Variants in THSD7A observed in about 807,000 individuals in gnomAD.
The protein encoded by THSD7A is thrombospondin type 1 domain containing 7A.
A neutral mutation model predicts 231.3 loss-of-function variants in THSD7A; 96 were observed. The ratio of observed to expected loss-of-function variants is 0.41; its 90% CI spans 0.35 to 0.49. The LOEUF is 0.49. Among genes scored for constraint, THSD7A ranks in the 20% least tolerant of loss-of-function variants. THSD7A has a pLI of 0.05. For missense variants in THSD7A, 2,290 were observed against 2,070.2 expected, an observed-to-expected ratio of 1.11 and a Z score of -2.06; for synonymous variants, 940 against 743.3, an observed-to-expected ratio of 1.26 and a Z score of -4.30.
intron 6 of THSD7A, among the ~76,000 whole-genome samples, chr7:11,487,525 C>T (rs1217126633): frequency 6.6e-6 from 1 of 151,986 alleles, no homozygotes; most frequent in Non-Finnish European, 1.5e-5. Flanking sequence ...GCAAAATATA[C>T]ACATATTTGT....
chr7:11,649,462 A>G (rs753460091), intron 1 of THSD7A, among the ~76,000 whole-genome samples: 17 of 152,072 alleles, frequency 1.1e-4, no homozygotes, highest in Admixed American at 4.6e-4. Context: ...TAACTGATAC[A>G]GATTATGGTG....
At chr7:11,459,671 T>C (rs939231049) in intron 11 of THSD7A, among the ~76,000 whole-genome samples, 1 of 88,818 alleles carries the variant, frequency 1.1e-5, no homozygotes, top group Non-Finnish European at 2.0e-5. Context: ...GGGGATTTTT[T>C]TTTTTTTTTT....
At chr7:11,641,947 C>G (rs1782098092) in intron 1 of THSD7A, among the ~76,000 whole-genome samples, 1 of 151,886 alleles carries the variant, frequency 6.6e-6, no homozygotes, top group Non-Finnish European at 1.5e-5. Flanking sequence ...GCAGTCTTGA[C>G]ACAAGTACAC....
intron 1 of THSD7A, among the ~76,000 whole-genome samples, chr7:11,754,085 A>C (rs1002420894): frequency 1.3e-5 from 2 of 152,026 alleles, no homozygotes; most frequent in African/African-American, 2.4e-5. Flanking sequence ...TATAAGGAAA[A>C]AAGCATTCAA....
chr7:11,505,790 C>A (rs57906196), intron 6 of THSD7A, among the ~76,000 whole-genome samples: 65 of 152,228 alleles, frequency 4.3e-4, no homozygotes, highest in African/African-American at 1.5e-3. Context: ...TGCCAAACGA[C>A]TGCCATCTGT....
chr7:11,639,820 C>G (rs556846610), intron 1 of THSD7A, among the ~76,000 whole-genome samples: 1 of 152,192 alleles, frequency 6.6e-6, no homozygotes, highest in African/African-American at 2.4e-5. Context: ...CTGAAAATAA[C>G]TTTTTTTCCC....
chr7:11,435,611 C>T (rs1475685626), intron 13 of THSD7A, among the ~76,000 whole-genome samples: 1 of 152,026 alleles, frequency 6.6e-6, no homozygotes, highest in Non-Finnish European at 1.5e-5. Context: ...GAGAAAGATG[C>T]CTCCTGCCTC....
Position 11,583,502 on chromosome 7 carries a change from C to T in THSD7A, c.1453+6958G>A, listed in dbSNP as rs149598616. On this transcript the variant is annotated intron_variant, in intron 4 of 27. Transcript: ENST00000423059. Reference sequence around the variant, plus strand: ...TGTTGCACAGTCTGGTCTCGAACTCCCAGACTCAAGTTATCCACCCGCCTC... The same window carrying T: ...TGTTGCACAGTCTGGTCTCGAACTCTCAGACTCAAGTTATCCACCCGCCTC... Among the ~76,000 whole-genome samples, 238 of 152,114 alleles carry T rather than the reference C, an allele frequency of 1.6e-3. No individual in the cohort carries two copies. The Middle Eastern group carries it at 0.017, about 11-fold the overall frequency.
chr7:11,636,466 C>A lies in THSD7A; in HGVS notation c.686G>T (p.Gly229Val). Residue 229 changes from glycine to valine, a missense_variant, in exon 2 of 28, where the codon GGC (glycine) becomes GTC (valine). Physicochemically the swap from Gly to Val is moderately radical, Grantham distance 109 (BLOSUM62 -3). Transcript: ENST00000423059. This position sits in a 1 kb window ranked among gnomAD's most constrained non-coding sequence, Gnocchi z 10.0. Reference sequence around the variant, plus strand: ...CTCCGTCAGGTTTGGACAGCCAGAGCCTCCGAACTGCGGGGGCGCCACCAC... The same window carrying A: ...CTCCGTCAGGTTTGGACAGCCAGAGACTCCGAACTGCGGGGGCGCCACCAC... ...RHVVAPPQFGGSGCPNLTEFQ... is the reference protein window; with the variant it reads ...RHVVAPPQFGVSGCPNLTEFQ... The A allele has an allele frequency of 6.2e-7, 1 of 1,613,668 alleles. No individual in the cohort carries two copies. The highest frequency in any genetic ancestry group is 1.1e-5 in the South Asian group (1 of 91,078).
intron 1 of THSD7A, among the ~76,000 whole-genome samples, chr7:11,703,919 A>G (rs1258900589): frequency 6.6e-6 from 1 of 151,204 alleles, no homozygotes; most frequent in Non-Finnish European, 1.5e-5. Context: ...AGAATTTCTC[A>G]CACTGAAACT....
chr7:11,605,446 C>T (rs77887976), intron 2 of THSD7A, among the ~76,000 whole-genome samples: 314 of 152,174 alleles, frequency 2.1e-3, no homozygotes, highest in African/African-American at 7.3e-3. Context: ...TAAAGTTTTG[C>T]TAATCAGAGC....
Position 11,447,144 on chromosome 7 carries a change from T to C in THSD7A, c.2800+86A>G, listed in dbSNP as rs537457862. On this transcript the variant is annotated intron_variant, in intron 12 of 27. Coordinates refer to ENST00000423059, the MANE Select transcript of THSD7A (RefSeq NM_015204.3). Reference sequence around the variant, plus strand: ...ATCCATTGGCATATTATTTTTCAAATACACTGTCAGAATTCTCTCAGTCTG... The same window carrying C: ...ATCCATTGGCATATTATTTTTCAAACACACTGTCAGAATTCTCTCAGTCTG... 1.2e-4 allele frequency: 156 copies of C among 1,295,922 alleles called. No individual in the cohort carries two copies. In the African/African-American group the frequency reaches 1.8e-3, roughly 15 times the overall value. The allele number at this position is 1,295,922 out of a possible 1,614,324, so 80.3% of individuals were successfully genotyped here.
chr7:11,804,676 G>T (rs1784355908), intron 1 of THSD7A, among the ~76,000 whole-genome samples: 1 of 152,106 alleles, frequency 6.6e-6, no homozygotes, highest in African/African-American at 2.4e-5. Context: ...TAATGATTAA[G>T]GCATTACATT....
In THSD7A at chr7:11,636,534, G is replaced by A. The variant is rs569551573; in HGVS notation, c.618C>T (p.Cys206=). 110 of 1,613,874 alleles carry A rather than the reference G, an allele frequency of 6.8e-5. No homozygotes were observed. The highest frequency in any genetic ancestry group is 9.0e-5 in the Non-Finnish European group (106 of 1,179,916). The stretch of plus-strand genomic sequence containing the variant: ...GGAGCCCGCTGCCGCAGGTCTTGGA[G>A]CATTCGGACCAGGCAGAAAATTCAG... ...IVSEFSAWSE[C]SKTCGSGLQH... is the part of the protein sequence containing the mutation. Residue 206 remains cysteine (C), a synonymous_variant, in exon 2 of 28, where the codon TGC becomes TGT. Transcript: ENST00000423059. The surrounding 1 kb of genome is among the most constrained non-coding windows in gnomAD (Gnocchi z 10.0).
At chr7:11,616,538 T>C (rs868600131) in intron 2 of THSD7A, among the ~76,000 whole-genome samples, 1 of 152,174 alleles carries the variant, frequency 6.6e-6, no homozygotes, top group Non-Finnish European at 1.5e-5. Flanking sequence ...TAATTTAATA[T>C]ATAAAAGCAT....
Position 11,411,290 on chromosome 7 carries a change from C to T in THSD7A, c.3715G>A (p.Val1239Ile). 1 of 1,613,896 alleles carries T rather than the reference C, an allele frequency of 6.2e-7. No individual in the cohort carries two copies. Among genetic ancestry groups the T allele is most frequent in the Non-Finnish European group, 8.5e-7 (1 of 1,179,806 alleles). ...WSTCQLSEKAVCGNGIKTRML... is the reference protein window; with the variant it reads ...WSTCQLSEKAICGNGIKTRML... ...CTTGTTTTTATTCCATTTCCACAAA[C>T]TGCCTTCTCACTCAGCTGACATGTA... The change falls in exon 19 of 28, where the codon GTT (valine) becomes ATT (isoleucine). Residue 1239 changes from valine (V) to isoleucine (I), a missense_variant. By Grantham distance (29) the Val-to-Ile change is conservative (BLOSUM62 3). Transcript: ENST00000423059. The surrounding 1 kb of genome is among the most constrained non-coding windows in gnomAD (Gnocchi z 4.1).
chr7:11,462,254 C>T (rs903750539), intron 9 of THSD7A, 111 bp from the exon 10 acceptor site: 5 of 1,190,756 alleles, frequency 4.2e-6, no homozygotes, highest in Non-Finnish European at 4.6e-6. Flanking sequence ...GCTTTGACAT[C>T]CCTGAGAGGC....
intron 23 of THSD7A, chr7:11,385,740 A>C (rs948936993): frequency 6.6e-5 from 10 of 152,158 alleles, no homozygotes; most frequent in African/African-American, 2.4e-4. Flanking sequence ...AACTGGTTTT[A>C]CTGCCAAGGT....
intron 1 of THSD7A, among the ~76,000 whole-genome samples, chr7:11,669,395 G>A (rs1401993544): frequency 2.0e-5 from 3 of 151,838 alleles, no homozygotes; most frequent in East Asian, 3.9e-4. Context: ...GAGAAACAAA[G>A]AATAAGATGC....
Sources: gnomAD v4.1 joint callset for allele counts (sites outside exome capture counted in the v4.1 genomes callset) on GRCh38, gnomAD v4.1.1 for gene constraint, Gnocchi (gnomAD v3.1) non-coding constraint, MANE v1.5 for transcripts, NCBI Gene and HGNC (gene_info 2026-07-23, HGNC 2026-07-21) for gene names.